Variants in RMDN2 observed in about 807,000 individuals in gnomAD.
RMDN2 encodes regulator of microtubule dynamics protein 2.
RMDN2 carries 61 observed loss-of-function variants against 52.8 expected under a neutral mutation model. The observed-to-expected ratio is 1.16, with a 90% CI of 0.94 to 1.43. RMDN2 has a LOEUF of 1.43. Among genes scored for constraint, RMDN2 ranks in the 40% most tolerant of loss-of-function variants. The probability of loss-of-function intolerance (pLI) is 0.00; values close to 1 mark genes in which losing one functional copy is unlikely to be tolerated. For synonymous variants in RMDN2, 180 were observed against 153.1 expected, an observed-to-expected ratio of 1.18 and a Z score of -1.30; for missense variants, 592 against 475.3, an observed-to-expected ratio of 1.25 and a Z score of -2.28.
At chr2:38,000,496 G>T (rs1295416913) in intron 8 of RMDN2, among the ~76,000 whole-genome samples, 2 of 152,128 alleles carry the variant, frequency 1.3e-5, no homozygotes, top group African/African-American at 2.4e-5. Context: ...CCTCTTTGCT[G>T]TCAATTTCCC....
At chr2:37,948,458 T>C (rs1479665753) in intron 2 of RMDN2, among the ~76,000 whole-genome samples, 2 of 151,976 alleles carry the variant, frequency 1.3e-5, no homozygotes, top group Non-Finnish European at 2.9e-5. Context: ...TGGGTGGCCA[T>C]AGGGCATGAT....
chr2:38,058,246 G>T (rs1268408339), intron 10 of RMDN2, among the ~76,000 whole-genome samples: 1 of 152,228 alleles, frequency 6.6e-6, no homozygotes, highest in Non-Finnish European at 1.5e-5. Context: ...GTGGGCTAGG[G>T]AAGGGGGTGA....
intron 10 of RMDN2, chr2:38,027,410 G>A (rs1679857131): frequency 6.6e-6 from 1 of 152,046 alleles, no homozygotes; most frequent in Non-Finnish European, 1.5e-5. Flanking sequence ...ACTTTTGAAA[G>A]TTGTAACTTT....
In RMDN2 at chr2:38,046,060, T is replaced by C. The variant is rs1681254458; in HGVS notation, c.1714-20922T>C. The stretch of plus-strand genomic sequence containing the variant: ...ATATATTCCTGGTAGTCTGGAAAAC[T>C]GCACACATACCCAAGGCTACGCATC... On this transcript the variant is annotated intron_variant, in intron 10 of 10. Coordinates refer to the RMDN2 transcript ENST00000234195. Among the ~76,000 whole-genome samples, 3 of 152,312 alleles carry C rather than the reference T, an allele frequency of 2.0e-5. No homozygotes were observed. The South Asian group carries it at 6.2e-4, about 32-fold the overall frequency.
intron 2 of RMDN2, among the ~76,000 whole-genome samples, chr2:37,963,983 C>T (rs57655937): frequency 0.15 from 22,387 of 149,076 alleles, 1,859 homozygotes; most frequent in Middle Eastern, 0.23. Flanking sequence ...GCTGGCCGGG[C>T]GGGGGCTGCC....
Position 37,997,422 on chromosome 2 carries a change from A to G in RMDN2, c.952A>G (p.Lys318Glu), listed in dbSNP as rs1675705738. 6 of 1,611,926 alleles carry G rather than the reference A, an allele frequency of 3.7e-6. No individual in the cohort carries two copies. The highest frequency in any genetic ancestry group is 3.4e-6 in the Non-Finnish European group (4 of 1,178,082). The change falls in exon 8 of 11, where the codon AAA becomes GAA. Residue 318 changes from lysine to glutamate, a missense_variant. Coordinates refer to ENST00000354545, the MANE Select transcript of RMDN2 (RefSeq NM_001170791.3). ...TGTTGTTGTGTATTTGCAGGTCTCA[A>G]AACTGAGCTGGATTGAGAAAAAAAT... ...LKGRYCYTVS[K>E]LSWIEKKMAA...
chr2:37,939,794 G>T (rs981131629), intron 2 of RMDN2, among the ~76,000 whole-genome samples: 16 of 152,138 alleles, frequency 1.1e-4, no homozygotes, highest in African/African-American at 3.4e-4. Flanking sequence ...TTGCATGTGA[G>T]ATGGGTCCCC....
chr2:37,939,450 A>T (rs1667591324), intron 2 of RMDN2, among the ~76,000 whole-genome samples: 1 of 152,018 alleles, frequency 6.6e-6, no homozygotes, highest in South Asian at 2.1e-4. Flanking sequence ...TATCCTTGTT[A>T]ATTTTCTGTC....
At chr2:38,025,504 A>G (rs757207585) in intron 10 of RMDN2, among the ~76,000 whole-genome samples, 1 of 152,090 alleles carries the variant, frequency 6.6e-6, no homozygotes, top group African/African-American at 2.4e-5. Flanking sequence ...AGAACTTTCA[A>G]TACACCATGG....
chr2:37,987,195 TA>T (rs1674135459), intron 5 of RMDN2, among the ~76,000 whole-genome samples: 1 of 152,034 alleles, frequency 6.6e-6, no homozygotes, highest in African/African-American at 2.4e-5. Flanking sequence ...AGTTTGAAAT[TA>T]AAAACATAAC....
At position 37,932,151 on chromosome 2, in the gene RMDN2, G is replaced by C. The variant is rs188760268; in HGVS notation, c.452+2422G>C. The stretch of plus-strand genomic sequence containing the variant: ...GTCACAGGACAGTAGTGGAGGGAAG[G>C]TCAGCAGATAAACAAGTGAACAAAG... On this transcript the variant is annotated intron_variant, in intron 2 of 10. Coordinates refer to ENST00000354545, the MANE Select transcript of RMDN2 (RefSeq NM_001170791.3). Among the ~76,000 whole-genome samples the C allele has an allele frequency of 7.9e-3, 1,202 of 151,804 alleles. 12 individuals carry two copies. The highest frequency in any genetic ancestry group is 0.028 in the African/African-American group (1,142 of 41,394).
intron 10 of RMDN2, among the ~76,000 whole-genome samples, chr2:38,008,076 T>A (rs973480410): frequency 1.4e-4 from 21 of 152,222 alleles, no homozygotes; most frequent in Non-Finnish European, 2.9e-4. Context: ...AGAGACAGTT[T>A]GTTATAATTT....
At chr2:38,039,313 A>C (rs980834334) in intron 10 of RMDN2, 3 of 152,130 alleles carry the variant, frequency 2.0e-5, no homozygotes. Context: ...TCTAACTCAC[A>C]CTTGTCTGGT....
At chr2:38,010,609 C>T (rs147190303) in intron 10 of RMDN2, among the ~76,000 whole-genome samples, 118 of 152,328 alleles carry the variant, frequency 7.7e-4, no homozygotes, top group African/African-American at 2.7e-3. Context: ...TGCCGTTTGT[C>T]ACCCCTTTCT....
intron 10 of RMDN2, among the ~76,000 whole-genome samples, chr2:38,042,648 T>C (rs915030438): frequency 6.6e-6 from 1 of 152,158 alleles, no homozygotes; most frequent in Non-Finnish European, 1.5e-5. Flanking sequence ...TGCTATAAAT[T>C]TCCCTCTAAG....
chr2:37,971,195 G>A (rs1473492223), intron 2 of RMDN2, among the ~76,000 whole-genome samples: 1 of 151,982 alleles, frequency 6.6e-6, no homozygotes, highest in Non-Finnish European at 1.5e-5. Flanking sequence ...CATATAAAAT[G>A]TTGTCAAACA....
At chr2:37,993,676 A>G (rs1675122853) in intron 7 of RMDN2, among the ~76,000 whole-genome samples, 1 of 144,166 alleles carries the variant, frequency 6.9e-6, no homozygotes, top group South Asian at 2.3e-4. Flanking sequence ...CTTTGTTGGG[A>G]CTGGGGGACT....
chr2:37,971,725 A>G (rs1434661686), intron 2 of RMDN2, among the ~76,000 whole-genome samples: 1 of 152,128 alleles, frequency 6.6e-6, no homozygotes, highest in African/African-American at 2.4e-5. Flanking sequence ...TGCTGTACCA[A>G]TACCACACTG....
In RMDN2 at chr2:37,952,066, C is replaced by G. The variant is rs369568955; in HGVS notation, c.453-21974C>G. 2.5e-6 allele frequency: 4 copies of G among 1,613,218 alleles called. No individual in the cohort carries two copies. The South Asian group carries it at 4.4e-5, about 18-fold the overall frequency. Reference sequence around the variant, plus strand: ...CCATTCCTCCATAAAGCTGGATTTTCTTCATCTTATAAAAATTCTGGTTGC... The same window carrying G: ...CCATTCCTCCATAAAGCTGGATTTTGTTCATCTTATAAAAATTCTGGTTGC... On this transcript the variant is annotated intron_variant, in intron 2 of 10. Coordinates refer to ENST00000354545, the MANE Select transcript of RMDN2 (RefSeq NM_001170791.3).
Sources: allele counts gnomAD v4.1 joint callset (sites outside exome capture counted in the v4.1 genomes callset), GRCh38; gene constraint gnomAD v4.1.1; transcripts MANE v1.5; gene names NCBI Gene and HGNC (gene_info 2026-07-23, HGNC 2026-07-21).